Variants in AK8 observed in about 807,000 individuals in gnomAD.
AK8 encodes ATP-AMP transphosphorylase 8.
AK8 carries 44 observed loss-of-function variants against 54.6 expected under a neutral mutation model. That is an observed-to-expected ratio of 0.81 (90% confidence interval 0.63 to 1.04). AK8 has a LOEUF of 1.04. Among genes scored for constraint, AK8 ranks in the 50% least tolerant of loss-of-function variants. AK8 has a pLI of 0.00. For missense variants in AK8, 555 were observed against 613.6 expected (o/e 0.90, Z 1.01); for synonymous variants, 239 against 245.6 (o/e 0.97, Z 0.25).
intron 11 of AK8, among the ~76,000 whole-genome samples, chr9:132,775,459 T>A (rs1427370636): frequency 6.6e-6 from 1 of 152,062 alleles, no homozygotes; most frequent in Non-Finnish European, 1.5e-5. Context: ...TGCACCACCA[T>A]GCCCGGCTAA....
chr9:132,858,936 G>A (rs972490594), intron 4 of AK8, among the ~76,000 whole-genome samples: 9 of 152,182 alleles, frequency 5.9e-5, no homozygotes, highest in East Asian at 1.9e-4. Context: ...CAGGAGTGAC[G>A]GAGCCTGGTG....
rs768761114 is a variant in AK8 at position 132,828,054 on chromosome 9, A to C, written c.515T>G (p.Ile172Ser). ...GATTCTCTTCCCCAAGTTTCTCTCG[A>C]TCAGGACCGTGTCTGGAGCACTCAG... The part of the protein sequence containing the change: ...IVLSAPDTVL[I>S]ERNLGKRIDP... Residue 172 changes from isoleucine to serine, a missense_variant, in exon 7 of 13, where the codon ATC becomes AGC. Physicochemically the swap from Ile to Ser is moderately radical, Grantham distance 142. Transcript: ENST00000298545. 1 of 1,573,640 alleles carries C rather than the reference A, an allele frequency of 6.4e-7. No individual in the cohort carries two copies.
chr9:132,822,680 C>A (rs2131289978), intron 9 of AK8, among the ~76,000 whole-genome samples: 1 of 152,220 alleles, frequency 6.6e-6, no homozygotes, highest in African/African-American at 2.4e-5. Flanking sequence ...ACCTGGAGAG[C>A]TGATTTCAAT....
At chr9:132,827,576 G>A (rs1219643903) in intron 7 of AK8, 1 of 205,320 alleles carries the variant, frequency 4.9e-6, no homozygotes, top group African/African-American at 2.3e-5. Context: ...TGGTCTTCAA[G>A]GCCCAGTTCA....
At chr9:132,817,296 CA>C (rs1564418279) in intron 9 of AK8, among the ~76,000 whole-genome samples, 1 of 152,116 alleles carries the variant, frequency 6.6e-6, no homozygotes, top group Non-Finnish European at 1.5e-5. Context: ...TCCAGACCTT[CA>C]AAAATGTGAG....
chr9:132,788,883 C>A (rs1429523779), intron 11 of AK8, among the ~76,000 whole-genome samples: 5 of 152,144 alleles, frequency 3.3e-5, no homozygotes, highest in African/African-American at 1.2e-4. Context: ...TGGAAAAATT[C>A]TAATCCATAT....
At chr9:132,760,867 T>G (rs764597304) in intron 11 of AK8, among the ~76,000 whole-genome samples, 2 of 152,232 alleles carry the variant, frequency 1.3e-5, no homozygotes, top group African/African-American at 4.8e-5. Flanking sequence ...TTATTGTGAA[T>G]TCAAGTAATA....
At chr9:132,878,559 G>T (rs1471168303), upstream of AK8, 1 of 1,152,676 alleles carries the variant, frequency 8.7e-7, no homozygotes, top group African/African-American at 1.6e-5. This position sits in a 1 kb window ranked among gnomAD's most constrained non-coding sequence, Gnocchi z 4.7. Context: ...CCCAGAAGGG[G>T]CAAGTCGGCC....
intron 6 of AK8, 32 bp from the exon 7 acceptor site, chr9:132,828,116 C>T: frequency 6.4e-7 from 1 of 1,552,114 alleles, no homozygotes; most frequent in African/African-American, 1.4e-5. Flanking sequence ...CAAAACCAGG[C>T]ATGTCGGGCA....
At chr9:132,738,333 G>A (rs1388597748) in intron 11 of AK8, among the ~76,000 whole-genome samples, 3 of 152,026 alleles carry the variant, frequency 2.0e-5, no homozygotes, top group Admixed American at 2.0e-4. Context: ...GATTACAGAC[G>A]TGAGCCACCG....
intron 4 of AK8, among the ~76,000 whole-genome samples, chr9:132,862,806 G>C (rs957102006): frequency 6.6e-6 from 1 of 152,134 alleles, no homozygotes; most frequent in South Asian, 2.1e-4. Context: ...ATTTGGCTTT[G>C]AAGCTGCCTT....
At chr9:132,835,540 G>A (rs961168704) in intron 5 of AK8, among the ~76,000 whole-genome samples, 11 of 152,280 alleles carry the variant, frequency 7.2e-5, no homozygotes, top group African/African-American at 2.2e-4. Context: ...TTCTTGTAAC[G>A]GCGGAAAGCA....
chr9:132,731,124 C>A (rs1303350806), intron 11 of AK8, among the ~76,000 whole-genome samples: 4 of 152,188 alleles, frequency 2.6e-5, no homozygotes, highest in African/African-American at 9.7e-5. Flanking sequence ...AGTCTAAATT[C>A]TAATGTCTAA....
chr9:132,812,557 C>CGCGCCCACTGGGATGACGGGTGAGCCGCT lies in AK8; in HGVS notation c.979+2080_979+2081insAGCGGCTCACCCGTCATCCCAGTGGGCGC, dbSNP rs1383553073. On this transcript the variant is annotated intron_variant, in intron 10 of 12. Coordinates refer to ENST00000298545, the MANE Select transcript of AK8 (RefSeq NM_152572.3). ...CCCACTGGGATGACGGGTGAGCCGC[C>CGCGCCCACTGGGATGACGGGTGAGCCGCT]GCGCCCGGCCGCTAGGTGGATTTGA... 2.8e-5 allele frequency among the ~76,000 whole-genome samples: 4 copies of CGCGCCCACTGGGATGACGGGTGAGCCGCT among 141,108 alleles called. 1 individual carries two copies. Among genetic ancestry groups the CGCGCCCACTGGGATGACGGGTGAGCCGCT allele is most frequent in the Admixed American group, 1.4e-4 (2 of 14,318 alleles). The allele number at this position is 141,108 out of a possible 152,430, so 92.6% of individuals were successfully genotyped here.
At chr9:132,855,022 T>A in intron 4 of AK8, 97 bp from the exon 5 acceptor site, 1 of 1,308,668 alleles carries the variant, frequency 7.6e-7, no homozygotes, top group Non-Finnish European at 1.1e-6. Context: ...CCCTGGCCTC[T>A]GGAAAGCACC....
intron 11 of AK8, among the ~76,000 whole-genome samples, chr9:132,762,148 G>C (rs1178545387): frequency 6.6e-6 from 1 of 152,122 alleles, no homozygotes; most frequent in African/African-American, 2.4e-5. Context: ...AGGATTACAG[G>C]AATGAGCCAC....
chr9:132,810,790 G>A (rs760032032), intron 10 of AK8, among the ~76,000 whole-genome samples: 2 of 152,092 alleles, frequency 1.3e-5, no homozygotes, highest in Non-Finnish European at 2.9e-5. Flanking sequence ...AAAGGGCCGC[G>A]ATGAGCCACT....
At chr9:132,850,053 C>G in intron 5 of AK8, among the ~76,000 whole-genome samples, 1 of 131,682 alleles carries the variant, frequency 7.6e-6, no homozygotes, top group East Asian at 2.3e-4. Flanking sequence ...AACCCTAGTA[C>G]ATTTTTTTTT....
intron 11 of AK8, among the ~76,000 whole-genome samples, chr9:132,748,810 G>A (rs11243900): frequency 0.42 from 63,250 of 151,704 alleles, 13,979 homozygotes; most frequent in Admixed American, 0.55. Context: ...TTTGGACAAG[G>A]AGGGTGAAGT....
Sources: allele counts gnomAD v4.1 joint callset (sites outside exome capture counted in the v4.1 genomes callset), GRCh38; gene constraint gnomAD v4.1.1; non-coding constraint Gnocchi (gnomAD v3.1); transcripts MANE v1.5; gene names NCBI Gene and HGNC (gene_info 2026-07-23, HGNC 2026-07-21).